Variants in PHLPP2 observed in about 807,000 individuals in gnomAD.
PHLPP2 encodes the protein PH domain and leucine rich repeat protein phosphatase 2.
PHLPP2 carries 66 observed loss-of-function variants against 124.9 expected under a neutral mutation model. That is an observed-to-expected ratio of 0.53 (90% CI 0.43 to 0.65). The LOEUF is 0.65. Among genes scored for constraint, PHLPP2 ranks in the 30% least tolerant of loss-of-function variants. The pLI, the probability that PHLPP2 is intolerant of heterozygous loss-of-function variation, is 0.00. For missense variants in PHLPP2, 1,685 were observed against 1,600.4 expected (o/e 1.05, Z -0.90); for synonymous variants, 681 against 624.7 (o/e 1.09, Z -1.34).
Position 71,676,647 on chromosome 16 carries a change from A to G in PHLPP2, c.1271T>C (p.Met424Thr). The G allele has an allele frequency of 3.1e-6, 5 of 1,601,148 alleles. No individual in the cohort carries two copies. Among genetic ancestry groups the G allele is most frequent in the Non-Finnish European group, 4.3e-6 (5 of 1,168,102 alleles). Residue 424 changes from methionine to threonine, a missense_variant and splice_region_variant, in exon 9 of 19, where the codon ATG (methionine) becomes ACG (threonine). Met to Thr is a moderately conservative substitution (Grantham distance 81). Coordinates refer to ENST00000568954, the MANE Select transcript of PHLPP2 (RefSeq NM_015020.3). ...AATAACCATGGTTTTCAAATGGTTC[A>G]TCCTTAATACGCAGAAACAAGAAAA... The part of the protein sequence containing the change: ...MNHIKHVDLR[M>T]NHLKTMVIEN...
chr16:71,664,710 C>A (rs1314179805), intron 12 of PHLPP2, among the ~76,000 whole-genome samples: 1 of 152,160 alleles, frequency 6.6e-6, no homozygotes, highest in Non-Finnish European at 1.5e-5. Flanking sequence ...CGAGATCGTG[C>A]CACTGCACTC....
intron 3 of PHLPP2, among the ~76,000 whole-genome samples, chr16:71,691,703 T>C (rs1353799793): frequency 6.6e-6 from 1 of 152,056 alleles, no homozygotes; most frequent in East Asian, 1.9e-4. Context: ...CAATCAACTA[T>C]TCCGATCACG....
intron 2 of PHLPP2, among the ~76,000 whole-genome samples, chr16:71,712,218 A>G (rs926310692): frequency 3.9e-5 from 6 of 152,258 alleles, no homozygotes; most frequent in Admixed American, 1.3e-4. Context: ...TAGCTGGATA[A>G]AAGTTATTGA....
chr16:71,663,762 A>G, intron 13 of PHLPP2, 137 bp downstream of exon 13: 1 of 690,890 alleles, frequency 1.4e-6, no homozygotes, highest in Non-Finnish European at 2.5e-6. Flanking sequence ...AGATTTTGCC[A>G]CTCAACTAGT....
chr16:71,705,401 A>G (rs536876915), intron 2 of PHLPP2, among the ~76,000 whole-genome samples: 1 of 152,354 alleles, frequency 6.6e-6, no homozygotes, highest in South Asian at 2.1e-4. Context: ...AACTGAAAGA[A>G]ATGGAAGCAT....
intron 5 of PHLPP2, among the ~76,000 whole-genome samples, chr16:71,683,669 T>C (rs750914666): frequency 4.9e-4 from 75 of 152,252 alleles, no homozygotes; most frequent in South Asian, 2.3e-3. Context: ...TATGCACATA[T>C]AAATAAGTTA....
Position 71,649,336 on chromosome 16 carries a change from C to T in PHLPP2, c.3526G>A (p.Gly1176Arg). The change falls in exon 19 of 19, where the codon GGG (glycine) becomes AGG (arginine). Residue 1176 changes from glycine (G) to arginine (R), a missense_variant. Physicochemically the swap from Gly to Arg is moderately radical, Grantham distance 125 (BLOSUM62 -2). Coordinates refer to ENST00000568954, the MANE Select transcript of PHLPP2 (RefSeq NM_015020.3). ...EVEVDIHCCR[G>R]RDLENSPPLI... Reference sequence around the variant, plus strand: ...GGGGGTGAGTTCTCCAGATCCCTCCCCCTGCAGCAGTGGATGTCTACTTCC... The same window carrying T: ...GGGGGTGAGTTCTCCAGATCCCTCCTCCTGCAGCAGTGGATGTCTACTTCC... 6.2e-7 allele frequency: 1 copy of T among 1,613,842 alleles called. No individual in the cohort carries two copies. The highest frequency in any genetic ancestry group is 1.3e-5 in the African/African-American group (1 of 75,038).
At chr16:71,691,825 G>A (rs1015980862) in intron 3 of PHLPP2, among the ~76,000 whole-genome samples, 1 of 152,032 alleles carries the variant, frequency 6.6e-6, no homozygotes, top group African/African-American at 2.4e-5. Context: ...ACTATTAAAA[G>A]AAGTGTGCAC....
Position 71,655,070 on chromosome 16 carries a change from A to T in PHLPP2, c.2585+170T>A, listed in dbSNP as rs2044730710. 3 of 557,846 alleles carry T rather than the reference A, an allele frequency of 5.4e-6. No homozygotes were observed. In the East Asian group the frequency reaches 8.4e-5, roughly 16 times the overall value. 34.6% of individuals were successfully genotyped at this position (557,846 alleles called of 1,614,324 possible). ...GATGACCCCCACAGGCTTTTGAAAG[A>T]GCCGAAGTCCCCGCACTCCATGCTC... On this transcript the variant is annotated intron_variant, in intron 17 of 18. Coordinates refer to ENST00000568954, the MANE Select transcript of PHLPP2 (RefSeq NM_015020.3).
At chr16:71,689,966 C>CTTGTATAGATATATACA (rs1254220255) in intron 4 of PHLPP2, among the ~76,000 whole-genome samples, 1 of 152,118 alleles carries the variant, frequency 6.6e-6, no homozygotes, top group African/African-American at 2.4e-5. Context: ...AGATTCAAAA[C>CTTGTATAGATATATACA]AGAGTAAAAT....
chr16:71,665,662 G>C (rs1265828278), intron 12 of PHLPP2, among the ~76,000 whole-genome samples: 2 of 152,134 alleles, frequency 1.3e-5, no homozygotes, highest in African/African-American at 4.8e-5. Flanking sequence ...GCTCTTTCCA[G>C]AGTTTGTATT....
At chr16:71,697,997 G>A (rs1006598759) in intron 3 of PHLPP2, among the ~76,000 whole-genome samples, 15 of 151,926 alleles carry the variant, frequency 9.9e-5, no homozygotes, top group Middle Eastern at 3.4e-3. Context: ...ACAGGCACCC[G>A]CCACCACGTC....
At chr16:71,714,896 C>T in intron 1 of PHLPP2, 95 bp from the exon 2 acceptor site, 1 of 1,449,588 alleles carries the variant, frequency 6.9e-7, no homozygotes, top group Non-Finnish European at 9.1e-7. Context: ...TTTATATTCC[C>T]CAACATTCTG....
rs751389630 is a variant in PHLPP2 at position 71,658,287 on chromosome 16, T to C, written c.2225A>G (p.Asp742Gly). 1.2e-6 allele frequency: 2 copies of C among 1,613,940 alleles called. No homozygotes were observed. The highest frequency in any genetic ancestry group is 1.7e-6 in the Non-Finnish European group (2 of 1,179,824). ...EALPATLQDL[D>G]LTGNTNLVLE... ...AACCAGATTTGTATTTCCAGTCAGG[T>C]CAAGGTCTTGTAATGTAGCAGGCAA... Residue 742 changes from aspartate to glycine, a missense_variant, in exon 15 of 19, where the codon GAC (aspartate) becomes GGC (glycine). By Grantham distance (94) the Asp-to-Gly change is moderately conservative (BLOSUM62 -1). Transcript: ENST00000568954.
Position 71,672,285 on chromosome 16 carries a change from C to T in PHLPP2, c.1509G>A (p.Leu503=). ...TAVNVYPVPS[L]LTFLDLSRNL... Reference sequence around the variant, plus strand: ...ACCGGGAGAGATCCAAGAAAGTGAGCAGGCTGGGTACTGGATAGACGTTCA... The same window carrying T: ...ACCGGGAGAGATCCAAGAAAGTGAGTAGGCTGGGTACTGGATAGACGTTCA... The change falls in exon 10 of 19, where the codon CTG becomes CTA. Residue 503 remains leucine, a synonymous_variant. Coordinates refer to ENST00000568954, the MANE Select transcript of PHLPP2 (RefSeq NM_015020.3). 1.2e-6 allele frequency: 2 copies of T among 1,613,554 alleles called. No homozygotes were observed. Among genetic ancestry groups the T allele is most frequent in the Non-Finnish European group, 1.7e-6 (2 of 1,179,518 alleles).
chr16:71,658,110 G>A, intron 15 of PHLPP2, 123 bp downstream of exon 15: 1 of 792,862 alleles, frequency 1.3e-6, no homozygotes, highest in Non-Finnish European at 2.0e-6. Context: ...GAACCTAGGG[G>A]CTTTATAGCC....
At chr16:71,667,396 G>A in intron 11 of PHLPP2, 63 bp from the exon 12 acceptor site, 2 of 1,289,590 alleles carry the variant, frequency 1.6e-6, no homozygotes, top group Non-Finnish European at 2.2e-6. Flanking sequence ...TTCTGAGGCT[G>A]TCCTAGCCTA....
chr16:71,667,452 G>A (rs753748107), intron 11 of PHLPP2, 119 bp from the exon 12 acceptor site: 3 of 748,442 alleles, frequency 4.0e-6, no homozygotes, highest in Non-Finnish European at 6.3e-6. Context: ...CTCCTAGATT[G>A]TATACTCACT....
chr16:71,678,594 C>T (rs572199204), intron 8 of PHLPP2, 161 bp downstream of exon 8: 33 of 595,422 alleles, frequency 5.5e-5, no homozygotes, highest in African/African-American at 1.1e-4. Flanking sequence ...GGGCCGAGAT[C>T]GTGCCACTGT....
Sources: allele counts gnomAD v4.1 joint callset (sites outside exome capture counted in the v4.1 genomes callset), GRCh38; gene constraint gnomAD v4.1.1; transcripts MANE v1.5; gene names NCBI Gene and HGNC (gene_info 2026-07-23, HGNC 2026-07-21).